The following CACHD1 variants were observed in gnomAD, a reference collection of about 807,000 sequenced individuals.
The protein encoded by CACHD1 is cache domain containing 1.
Under a neutral mutation model 138.7 loss-of-function variants are expected in CACHD1, and 71 were observed. That is an observed-to-expected ratio of 0.51 (90% CI 0.42 to 0.62). CACHD1 has a LOEUF of 0.62. CACHD1 is among the 20% of genes least tolerant of loss of function. The pLI, the probability that CACHD1 is intolerant of heterozygous loss-of-function variation, is 0.00. For missense variants in CACHD1, 1,389 were observed against 1,625.3 expected (o/e 0.85, Z 2.50); for synonymous variants, 578 against 591.5 (o/e 0.98, Z 0.33).
intron 1 of CACHD1, among the ~76,000 whole-genome samples, chr1:64,515,382 A>C (rs1218686275): frequency 6.6e-6 from 1 of 152,238 alleles, no homozygotes; most frequent in Non-Finnish European, 1.5e-5. Context: ...GACTGAATTT[A>C]AATTACCCTA....
chr1:64,474,114 C>G (rs1646161082), intron 1 of CACHD1, among the ~76,000 whole-genome samples: 1 of 152,254 alleles, frequency 6.6e-6, no homozygotes, highest in East Asian at 1.9e-4. Context: ...GTTGTGCCAA[C>G]CAATTTTGCC....
Position 64,654,681 on chromosome 1 carries a change from C to A in CACHD1, c.1665-5C>A, listed in dbSNP as rs768947406. ...TGAAATATTTAATTCTGTTTGCCAA[C>A]ACAGCCTCCCTCTGGGCAGCCAGAT... is the stretch of plus-strand genomic sequence containing the variant. On this transcript the variant is annotated splice_polypyrimidine_tract_variant and splice_region_variant and intron_variant, in intron 11 of 26. Coordinates refer to ENST00000651257, the MANE Select transcript of CACHD1 (RefSeq NM_020925.4). The A allele has an allele frequency of 4.4e-6, 7 of 1,598,246 alleles. No homozygotes were observed. The highest frequency in any genetic ancestry group is 1.7e-4 in the Middle Eastern group (1 of 6,034).
chr1:64,661,026 C>T (rs2100697376), intron 13 of CACHD1, among the ~76,000 whole-genome samples: 1 of 152,266 alleles, frequency 6.6e-6, no homozygotes, highest in Admixed American at 6.5e-5. Context: ...CCCTTCCTCA[C>T]CTTGATGGTA....
Position 64,481,776 on chromosome 1 carries a change from T to G in CACHD1, c.198+10834T>G, listed in dbSNP as rs146594670. 7.2e-5 allele frequency among the ~76,000 whole-genome samples: 11 copies of G among 152,332 alleles called. No homozygotes were observed. In the East Asian group the frequency reaches 1.9e-3, roughly 27 times the overall value. On this transcript the variant is annotated intron_variant, in intron 1 of 26. Transcript: ENST00000651257. Reference sequence around the variant, plus strand: ...TGGTGGCCAACTTTTCTTGCTTTCTTTTAAATAAAATCTTAATTCAAAAAA... The same window carrying G: ...TGGTGGCCAACTTTTCTTGCTTTCTGTTAAATAAAATCTTAATTCAAAAAA...
chr1:64,514,437 G>A (rs1431014025), intron 1 of CACHD1, among the ~76,000 whole-genome samples: 2 of 152,146 alleles, frequency 1.3e-5, no homozygotes, highest in Non-Finnish European at 2.9e-5. Context: ...GCTTGACTGT[G>A]AGTTTTCTTT....
chr1:64,635,436 T>G (rs923284853), intron 7 of CACHD1, among the ~76,000 whole-genome samples: 1 of 140,602 alleles, frequency 7.1e-6, no homozygotes. Context: ...CAGCCTGGAG[T>G]GTGATCGCGC....
chr1:64,604,757 A>G (rs967893209), intron 4 of CACHD1, among the ~76,000 whole-genome samples: 1 of 151,656 alleles, frequency 6.6e-6, no homozygotes, highest in Non-Finnish European at 1.5e-5. Flanking sequence ...GGTTCAAGCA[A>G]TTCTCCTGCC....
At chr1:64,610,980 C>A (rs1323771303) in intron 4 of CACHD1, among the ~76,000 whole-genome samples, 1 of 152,216 alleles carries the variant, frequency 6.6e-6, no homozygotes, top group African/African-American at 2.4e-5. Context: ...TTGTCGCCTG[C>A]ACACCCACAG....
chr1:64,530,005 C>T (rs1272370001), intron 1 of CACHD1, among the ~76,000 whole-genome samples: 1 of 152,204 alleles, frequency 6.6e-6, no homozygotes, highest in Non-Finnish European at 1.5e-5. Flanking sequence ...TCATAGCTAA[C>T]ACTGATGATT....
intron 26 of CACHD1, 93 bp from the exon 27 acceptor site, chr1:64,691,230 G>A (rs1266788181): frequency 2.6e-6 from 3 of 1,149,852 alleles, no homozygotes; most frequent in East Asian, 2.4e-5. Context: ...TGCAAAGACA[G>A]GAATACCTCC....
intron 23 of CACHD1, among the ~76,000 whole-genome samples, chr1:64,678,764 C>T (rs915593350): frequency 2.0e-5 from 3 of 152,140 alleles, no homozygotes; most frequent in African/African-American, 7.2e-5. Flanking sequence ...GCCAGAGCTA[C>T]CCAGTGCATC....
intron 1 of CACHD1, among the ~76,000 whole-genome samples, chr1:64,496,604 C>T (rs1174528563): frequency 6.6e-6 from 1 of 152,046 alleles, no homozygotes; most frequent in Non-Finnish European, 1.5e-5. Context: ...AACTTCACAG[C>T]CTTTGGGTGA....
At chr1:64,479,739 C>T (rs991761053) in intron 1 of CACHD1, among the ~76,000 whole-genome samples, 4 of 152,082 alleles carry the variant, frequency 2.6e-5, no homozygotes, top group African/African-American at 9.7e-5. Flanking sequence ...AGCATGTGGC[C>T]AGTATGCTGT....
At chr1:64,566,467 T>C (rs943411389) in intron 2 of CACHD1, among the ~76,000 whole-genome samples, 3 of 122,646 alleles carry the variant, frequency 2.4e-5, no homozygotes, top group Admixed American at 2.4e-4. Context: ...TGCTCCACTG[T>C]ATGTTTTCAA....
chr1:64,607,435 A>C (rs1168105983), intron 4 of CACHD1, among the ~76,000 whole-genome samples: 1 of 152,156 alleles, frequency 6.6e-6, no homozygotes, highest in Non-Finnish European at 1.5e-5. Context: ...GCATAGGCTG[A>C]TCCTAGAGGG....
chr1:64,685,093 G>A (rs994162636), intron 26 of CACHD1, among the ~76,000 whole-genome samples: 36 of 152,180 alleles, frequency 2.4e-4, no homozygotes, highest in Admixed American at 5.9e-4. Flanking sequence ...ACAGGCGTGA[G>A]CCACTGCGCC....
At chr1:64,675,837 A>G in intron 20 of CACHD1, 60 bp from the exon 21 acceptor site, 2 of 1,124,646 alleles carry the variant, frequency 1.8e-6, no homozygotes, top group Non-Finnish European at 2.6e-6. Context: ...TCCCCAGCAC[A>G]TGTACAACTT....
intron 2 of CACHD1, among the ~76,000 whole-genome samples, chr1:64,555,709 C>T (rs1646792036): frequency 6.6e-6 from 1 of 152,186 alleles, no homozygotes; most frequent in African/African-American, 2.4e-5. Context: ...GCATGAGCCA[C>T]CCCGCCTGGC....
intron 4 of CACHD1, among the ~76,000 whole-genome samples, chr1:64,611,945 A>G (rs997803099): frequency 1.3e-5 from 2 of 152,150 alleles, no homozygotes; most frequent in Admixed American, 1.3e-4. Flanking sequence ...CCACATGGCT[A>G]TGGAGGCCTC....
Sources: gnomAD v4.1 joint callset for allele counts (sites outside exome capture counted in the v4.1 genomes callset) on GRCh38, gnomAD v4.1.1 for gene constraint, MANE v1.5 for transcripts, NCBI Gene and HGNC (gene_info 2026-07-23, HGNC 2026-07-21) for gene names.